The following RAP1GAP2 variants were observed in gnomAD, a reference collection of about 807,000 sequenced individuals.
RAP1GAP2 encodes rap1 GTPase-activating protein 2.
A neutral mutation model predicts 95.0 loss-of-function variants in RAP1GAP2; 27 were observed. That is an observed-to-expected ratio of 0.28 (90% CI 0.21 to 0.39). RAP1GAP2 has a LOEUF of 0.39. Among genes scored for constraint, RAP1GAP2 ranks in the 10% least tolerant of loss-of-function variants. RAP1GAP2 has a pLI of 1.00. For synonymous variants in RAP1GAP2, 373 were observed against 380.9 expected, an observed-to-expected ratio of 0.98 and a Z score of 0.24; for missense variants, 771 against 970.0, an observed-to-expected ratio of 0.79 and a Z score of 2.72.
intron 2 of RAP1GAP2, among the ~76,000 whole-genome samples, chr17:2,809,923 T>G (rs1401194766): frequency 6.6e-6 from 1 of 151,944 alleles, no homozygotes; most frequent in Non-Finnish European, 1.5e-5. Context: ...TTCTATCCCC[T>G]TCCTCCCGCT....
Position 2,941,368 on chromosome 17 carries a change from G to A in RAP1GAP2, c.166-16391G>A, listed in dbSNP as rs376687500. On this transcript the variant is annotated intron_variant, in intron 3 of 24. Coordinates refer to ENST00000254695, the MANE Select transcript of RAP1GAP2 (RefSeq NM_015085.5). ...GGTTGTGGTGAGCTGAGATTGTGCC[G>A]TTGCACTCCAGCCTGGGCAACAGAG... Among the ~76,000 whole-genome samples, 13 of 152,134 alleles carry A rather than the reference G, an allele frequency of 8.5e-5. No homozygotes were observed. In the South Asian group the frequency reaches 1.5e-3, roughly 17 times the overall value.
chr17:2,777,220 G>C (rs2068524072), exon 1 of RAP1GAP2: 1 of 152,452 alleles, frequency 6.6e-6, no homozygotes, highest in Admixed American at 6.5e-5. Context: ...GTGCGTGCGT[G>C]AGGTGTGCAG....
intron 2 of RAP1GAP2, among the ~76,000 whole-genome samples, chr17:2,900,951 T>C (rs2042006848): frequency 1.3e-5 from 2 of 152,188 alleles, no homozygotes; most frequent in African/African-American, 4.8e-5. Context: ...CAAGATGGTC[T>C]GAGGCAGAGC....
At chr17:2,770,506 G>T in intron 2 of RAP1GAP2, 1 of 398,428 alleles carries the variant, frequency 2.5e-6, no homozygotes, top group Non-Finnish European at 4.4e-6. Flanking sequence ...CCTCTCAGCT[G>T]GTACTTAGGA....
chr17:2,963,134 G>T lies in RAP1GAP2; in HGVS notation c.247-296G>T. The T allele has an allele frequency of 1.8e-6, 1 of 558,582 alleles. No homozygotes were observed. Among genetic ancestry groups the T allele is most frequent in the Middle Eastern group, 3.3e-4 (1 of 3,032 alleles). 34.6% of individuals were successfully genotyped at this position (558,582 alleles called of 1,614,324 possible). A position where few individuals can be genotyped will look rare whatever the true frequency, so the allele number is the denominator to read the frequency against. On this transcript the variant is annotated intron_variant, in intron 5 of 24. Coordinates refer to ENST00000254695, the MANE Select transcript of RAP1GAP2 (RefSeq NM_015085.5). The surrounding 1 kb of genome is among the most constrained non-coding windows in gnomAD (Gnocchi z 4.8). ...AAAGGGGTGCTGGGGGAGACTAGGG[G>T]TCATTTTCCGGAATGAGCGTTCTAG...
At chr17:3,030,198 T>A (rs370663797) in intron 22 of RAP1GAP2, among the ~76,000 whole-genome samples, 2 of 109,674 alleles carry the variant, frequency 1.8e-5, no homozygotes, top group African/African-American at 3.6e-5. Flanking sequence ...ACACACACAC[T>A]CACTCTCATG....
At chr17:2,756,929 C>T (rs1007182680) in intron 1 of RAP1GAP2, among the ~76,000 whole-genome samples, 1 of 152,160 alleles carries the variant, frequency 6.6e-6, no homozygotes, top group Non-Finnish European at 1.5e-5. Flanking sequence ...TTAACTTTTC[C>T]TCTGTTTTGC....
At chr17:2,862,254 C>A (rs965526655) in intron 2 of RAP1GAP2, among the ~76,000 whole-genome samples, 2 of 152,176 alleles carry the variant, frequency 1.3e-5, no homozygotes, top group African/African-American at 2.4e-5. Flanking sequence ...GCAGAGGCAG[C>A]CTCCCTTCAT....
intron 8 of RAP1GAP2, among the ~76,000 whole-genome samples, chr17:2,967,485 G>A (rs1027058764): frequency 6.6e-6 from 1 of 152,188 alleles, no homozygotes; most frequent in African/African-American, 2.4e-5. Context: ...GTGAGAGTGA[G>A]CCCTGGAATA....
intron 2 of RAP1GAP2, among the ~76,000 whole-genome samples, chr17:2,873,707 G>T (rs1344592590): frequency 1.3e-5 from 2 of 152,090 alleles, no homozygotes; most frequent in East Asian, 1.9e-4. Flanking sequence ...AGTGGTGGTG[G>T]TTACATAACA....
At chr17:3,017,916 CGTGTGTGT>C (rs56791699) in intron 17 of RAP1GAP2, 137 bp from the exon 18 acceptor site, 56 of 562,106 alleles carry the variant, frequency 1.0e-4, no homozygotes, top group East Asian at 6.3e-4. Flanking sequence ...CCTCTGTGAC[CGTGTGTGT>C]GTGTGTGTGT....
intron 17 of RAP1GAP2, among the ~76,000 whole-genome samples, chr17:3,009,138 C>T (rs914035425): frequency 2.6e-5 from 4 of 152,144 alleles, no homozygotes; most frequent in Non-Finnish European, 5.9e-5. Context: ...GTCTTTCAAG[C>T]CTCTTAAGGT....
intron 2 of RAP1GAP2, among the ~76,000 whole-genome samples, chr17:2,813,852 A>G (rs940069537): frequency 3.3e-5 from 5 of 151,950 alleles, no homozygotes; most frequent in African/African-American, 9.7e-5. Flanking sequence ...AATCGTAGCT[A>G]CTCGGGAGGC....
rs146726539 is a variant in RAP1GAP2, at chr17:2,839,321, A to C, written c.80+38771A>C. On this transcript the variant is annotated intron_variant, in intron 2 of 24. Transcript: ENST00000254695. ...TGAGACTCTGTCTTAATAATAAAAAAAAAAAGAATAAAAAATAAATAAAAT... is the reference window on the plus strand; with the variant it reads ...TGAGACTCTGTCTTAATAATAAAAACAAAAAGAATAAAAAATAAATAAAAT... Among the ~76,000 whole-genome samples the C allele has an allele frequency of 2.3e-3, 355 of 152,238 alleles. 2 individuals carry two copies. The highest frequency in any genetic ancestry group is 7.2e-3 in the African/African-American group (300 of 41,556).
At chr17:2,907,738 A>T (rs2042244371) in intron 3 of RAP1GAP2, among the ~76,000 whole-genome samples, 1 of 152,134 alleles carries the variant, frequency 6.6e-6, no homozygotes, top group South Asian at 2.1e-4. Context: ...GACCAGCAAC[A>T]CCTGCACCAT....
rs1429712745 is a variant in RAP1GAP2, at chr17:2,834,014, A to G, written c.80+33464A>G. Among the ~76,000 whole-genome samples the G allele has an allele frequency of 2.6e-5, 4 of 152,090 alleles. No individual in the cohort carries two copies. The East Asian group carries it at 7.7e-4, about 29-fold the overall frequency. On this transcript the variant is annotated intron_variant, in intron 2 of 24. Coordinates refer to ENST00000254695, the MANE Select transcript of RAP1GAP2 (RefSeq NM_015085.5). ...CGCCCAGAGAAGCACTGTCCTCCGT[A>G]AGTCAGGTGGACTCTCGGCCTCTGA...
At chr17:2,840,697 G>A (rs2071339062) in intron 2 of RAP1GAP2, among the ~76,000 whole-genome samples, 1 of 151,908 alleles carries the variant, frequency 6.6e-6, no homozygotes, top group African/African-American at 2.4e-5. Flanking sequence ...ATCCATTTAT[G>A]ATGTGAACAT....
intron 11 of RAP1GAP2, among the ~76,000 whole-genome samples, chr17:2,988,844 G>C (rs1290664023): frequency 1.3e-5 from 2 of 152,122 alleles, no homozygotes; most frequent in Non-Finnish European, 2.9e-5. Context: ...GGCGGATCAC[G>C]AGGTCAGGAG....
At chr17:2,882,119 CTTTTTT>C (rs1182195871) in intron 2 of RAP1GAP2, among the ~76,000 whole-genome samples, 1 of 131,826 alleles carries the variant, frequency 7.6e-6, no homozygotes. Flanking sequence ...TGTGCCTGGC[CTTTTTT>C]TTTTTTTTTT....
Sources: gnomAD v4.1 joint callset for allele counts (sites outside exome capture counted in the v4.1 genomes callset) on GRCh38, gnomAD v4.1.1 for gene constraint, Gnocchi (gnomAD v3.1) non-coding constraint, MANE v1.5 for transcripts, NCBI Gene and HGNC (gene_info 2026-07-23, HGNC 2026-07-21) for gene names.